The following STYX variants were observed in gnomAD, a reference collection of about 807,000 sequenced individuals.
STYX encodes serine/threonine/tyrosine-interacting protein.
In STYX, 20 loss-of-function variants were observed where a neutral mutation model predicts 42.7. The observed-to-expected ratio is 0.47, with a 90% CI of 0.33 to 0.68. The LOEUF is 0.68. Ranked by LOEUF, STYX falls within the 30% of genes least tolerant of loss-of-function variation. The pLI is 0.02. For synonymous variants in STYX, 78 were observed against 81.9 expected, an observed-to-expected ratio of 0.95 and a Z score of 0.26; for missense variants, 226 against 268.5, an observed-to-expected ratio of 0.84 and a Z score of 1.11.
chr14:52,745,726 G>A (rs1255229219), intron 2 of STYX, among the ~76,000 whole-genome samples: 1 of 152,102 alleles, frequency 6.6e-6, no homozygotes, highest in Non-Finnish European at 1.5e-5. Context: ...TTTGCCCCAG[G>A]ATTAAGCAGT....
At chr14:52,740,268 G>A (rs931670363) in intron 1 of STYX, among the ~76,000 whole-genome samples, 6 of 152,120 alleles carry the variant, frequency 3.9e-5, no homozygotes, top group East Asian at 1.9e-4. Context: ...GCGACAGAGC[G>A]AGACTCCGTC....
intron 4 of STYX, among the ~76,000 whole-genome samples, chr14:52,755,438 TA>T (rs1310403397): frequency 6.6e-6 from 1 of 152,142 alleles, no homozygotes; most frequent in African/African-American, 2.4e-5. Context: ...TTCTCTGTAT[TA>T]AAGTCCTGAA....
chr14:52,739,657 G>A (rs1388291275), intron 1 of STYX, among the ~76,000 whole-genome samples: 10 of 31,912 alleles, frequency 3.1e-4, no homozygotes, highest in African/African-American at 5.0e-4. Context: ...TTTTTTTTTC[G>A]TTGAGATAGG....
At chr14:52,744,623 GTAACA>G (rs1186192160) in intron 1 of STYX, among the ~76,000 whole-genome samples, 1 of 151,820 alleles carries the variant, frequency 6.6e-6, no homozygotes, top group African/African-American at 2.4e-5. Context: ...ATTTTATGAA[GTAACA>G]TAACAATTCT....
At chr14:52,736,359 G>A (rs1352495807) in intron 1 of STYX, among the ~76,000 whole-genome samples, 3 of 152,074 alleles carry the variant, frequency 2.0e-5, no homozygotes, top group East Asian at 3.8e-4. Context: ...ACAATTTTTG[G>A]TCATTGTCTA....
At chr14:52,755,686 T>C (rs1208743044) in intron 4 of STYX, among the ~76,000 whole-genome samples, 1 of 150,656 alleles carries the variant, frequency 6.6e-6, no homozygotes, top group African/African-American at 2.4e-5. Context: ...TCAGCTAGTT[T>C]TTTTTTTTTT....
Position 52,750,707 on chromosome 14 carries a change from A to G in STYX, c.169A>G (p.Ile57Val). The stretch of plus-strand genomic sequence containing the variant: ...GCTACCTGTACTACAGAAACATGGA[A>G]TAACCCATATAATATGCATACGACA... ...SKLPVLQKHG[I>V]THIICIRQNI... The change falls in exon 4 of 11, where the codon ATA (isoleucine) becomes GTA (valine). Residue 57 changes from isoleucine to valine, a missense_variant. Transcript: ENST00000354586. 1.3e-6 allele frequency: 2 copies of G among 1,583,942 alleles called. No individual in the cohort carries two copies. The highest frequency in any genetic ancestry group is 2.3e-5 in the East Asian group (1 of 43,614).
intron 9 of STYX, among the ~76,000 whole-genome samples, chr14:52,768,608 C>G (rs1566681894): frequency 6.6e-6 from 1 of 152,064 alleles, no homozygotes; most frequent in Non-Finnish European, 1.5e-5. Flanking sequence ...TACTGACTGG[C>G]AGTTCAGCAT....
At chr14:52,732,402 A>G (rs1055648575) in intron 1 of STYX, among the ~76,000 whole-genome samples, 5 of 151,242 alleles carry the variant, frequency 3.3e-5, no homozygotes, top group African/African-American at 1.2e-4. Flanking sequence ...CCTCCCGAGT[A>G]GCTGGGACTG....
chr14:52,750,749 T>G lies in STYX; in HGVS notation c.211T>G (p.Phe71Val), dbSNP rs149376201. ...ICIRQNIEAN[F>V]IKPNFQQLFR... ...CATACGACAAAATATTGAAGCAAACTTTATTAAACCAAACTTTCAGCAGTT... is the reference window on the plus strand; with the variant it reads ...CATACGACAAAATATTGAAGCAAACGTTATTAAACCAAACTTTCAGCAGTT... Residue 71 changes from phenylalanine (F) to valine (V), a missense_variant, in exon 4 of 11, where the codon TTT (phenylalanine) becomes GTT (valine). Coordinates refer to ENST00000354586, the MANE Select transcript of STYX (RefSeq NM_145251.4). The G allele has an allele frequency of 6.3e-7, 1 of 1,594,614 alleles. No individual in the cohort carries two copies. The highest frequency in any genetic ancestry group is 1.3e-5 in the African/African-American group (1 of 74,140).
At position 52,748,832 on chromosome 14, in the gene STYX, G is replaced by A. The variant is rs1048265098; in HGVS notation, c.145-1851G>A. On this transcript the variant is annotated intron_variant, in intron 3 of 10. Coordinates refer to ENST00000354586, the MANE Select transcript of STYX (RefSeq NM_145251.4). The stretch of plus-strand genomic sequence containing the variant: ...AAACGAAGGACTTAATGTTGAATTT[G>A]TTGTGGAAATTGGCACAAATCTCAA... Among the ~76,000 whole-genome samples the A allele has an allele frequency of 3.3e-5, 5 of 152,318 alleles. No individual in the cohort carries two copies. In the South Asian group the frequency reaches 8.3e-4, roughly 25 times the overall value.
At chr14:52,741,595 T>C (rs1284951411) in intron 1 of STYX, among the ~76,000 whole-genome samples, 1 of 151,932 alleles carries the variant, frequency 6.6e-6, no homozygotes, top group Non-Finnish European at 1.5e-5. Flanking sequence ...GCCACCTCCA[T>C]GCCTGGCTAA....
chr14:52,771,078 T>A lies in STYX; in HGVS notation c.644T>A (p.Met215Lys). 6.2e-7 allele frequency: 1 copy of A among 1,612,442 alleles called. No individual in the cohort carries two copies. The highest frequency in any genetic ancestry group is 8.5e-7 in the Non-Finnish European group (1 of 1,178,858). ...GAAGAAGAGGATGATTTTGGAACCA[T>A]GCAAGTGGCGACTGCACAGAATGGC... ...THEEEDDFGT[M>K]QVATAQNG The change falls in exon 11 of 11, where the codon ATG (methionine) becomes AAG (lysine). Residue 215 changes from methionine to lysine, a missense_variant. Met to Lys is a moderately conservative substitution (Grantham distance 95). Transcript: ENST00000354586.
At chr14:52,753,452 T>G (rs1405586367) in intron 4 of STYX, among the ~76,000 whole-genome samples, 1 of 152,108 alleles carries the variant, frequency 6.6e-6, no homozygotes, top group Non-Finnish European at 1.5e-5. Flanking sequence ...CCCAAAGCAC[T>G]GGGATTTACA....
intron 3 of STYX, among the ~76,000 whole-genome samples, chr14:52,748,453 A>G (rs1402120515): frequency 6.6e-6 from 1 of 152,164 alleles, no homozygotes; most frequent in African/African-American, 2.4e-5. Flanking sequence ...TTACTTAAGT[A>G]TATCTTTTTA....
Position 52,774,107 on chromosome 14 carries a change from A to C in STYX, c.*3001A>C, listed in dbSNP as rs1218829616. The stretch of plus-strand genomic sequence containing the variant: ...ACTGCAGTGACCTTTACTTGTATCT[A>C]CTCTGTGGTGGAAATGTTAAACCAT... On this transcript the variant is annotated 3_prime_UTR_variant, in exon 11 of 11. Coordinates refer to ENST00000354586, the MANE Select transcript of STYX (RefSeq NM_145251.4). 1.3e-5 allele frequency: 2 copies of C among 152,062 alleles called. No homozygotes were observed. Among genetic ancestry groups the C allele is most frequent in the East Asian group, 1.9e-4 (1 of 5,198 alleles). 9.4% of individuals were successfully genotyped at this position (152,062 alleles called of 1,614,324 possible). A position where few individuals can be genotyped will look rare whatever the true frequency, so the allele number is the denominator to read the frequency against.
chr14:52,769,484 T>C (rs1882433086), intron 10 of STYX, among the ~76,000 whole-genome samples: 3 of 152,132 alleles, frequency 2.0e-5, no homozygotes, highest in South Asian at 2.1e-4. Flanking sequence ...CCAACAGTTA[T>C]ATAAGGTAGT....
intron 4 of STYX, among the ~76,000 whole-genome samples, chr14:52,753,048 T>TTTTA (rs1881695469): frequency 1.0e-5 from 1 of 96,018 alleles, no homozygotes; most frequent in Non-Finnish European, 2.3e-5. Context: ...ACCCAGCTAA[T>TTTTA]TTTTTTTTTT....
intron 9 of STYX, among the ~76,000 whole-genome samples, chr14:52,765,834 G>T (rs142992117): frequency 2.5e-3 from 374 of 152,248 alleles, no homozygotes; most frequent in African/African-American, 8.4e-3. Context: ...GTTGATCTGA[G>T]AGGAGGTGGT....
Sources: gnomAD v4.1 joint callset for allele counts (sites outside exome capture counted in the v4.1 genomes callset) on GRCh38, gnomAD v4.1.1 for gene constraint, MANE v1.5 for transcripts, NCBI Gene and HGNC (gene_info 2026-07-23, HGNC 2026-07-21) for gene names.